HEMGN: variants seen among roughly 807,000 people sequenced by gnomAD.
The protein encoded by HEMGN is hemogen.
Under a neutral mutation model 45.7 loss-of-function variants are expected in HEMGN, and 32 were observed. The observed-to-expected ratio is 0.70, with a 90% confidence interval of 0.53 to 0.94. The LOEUF is 0.94. Ranked by LOEUF, HEMGN falls within the 40% of genes least tolerant of loss-of-function variation. The probability of loss-of-function intolerance (pLI) is 0.00; values close to 1 mark genes in which losing one functional copy is unlikely to be tolerated. For synonymous variants in HEMGN, 183 were observed against 178.6 expected (o/e 1.02, Z -0.20); for missense variants, 530 against 564.2 (o/e 0.94, Z 0.61).
rs772573235 is a variant in HEMGN at position 97,930,746 on chromosome 9, T to C, written c.649A>G (p.Lys217Glu). 1 of 1,614,200 alleles carries C rather than the reference T, an allele frequency of 6.2e-7. No homozygotes were observed. The highest frequency in any genetic ancestry group is 8.5e-7 in the Non-Finnish European group (1 of 1,180,032). Residue 217 changes from lysine to glutamate, a missense_variant, in exon 3 of 4, where the codon AAA becomes GAA. Transcript: ENST00000616898. ...VISVIQDHPFKMYQDMAKRED... is the reference protein window; with the variant it reads ...VISVIQDHPFEMYQDMAKRED... ...CGTTTAGCCATATCTTGGTACATTT[T>C]GAAAGGATGGTCTTGAATTACAGAT...
At chr9:97,935,949 A>AT (rs1289619270) in intron 2 of HEMGN, among the ~76,000 whole-genome samples, 1 of 152,194 alleles carries the variant, frequency 6.6e-6, no homozygotes, top group Non-Finnish European at 1.5e-5. Context: ...CAGGGAAAAA[A>AT]TTCTGTTCCC....
upstream of HEMGN, among the ~76,000 whole-genome samples, chr9:97,939,844 A>G (rs1394291022): frequency 2.6e-5 from 4 of 152,202 alleles, no homozygotes; most frequent in African/African-American, 9.6e-5. Context: ...TCTTAAGTAA[A>G]TCTCTGTATC....
chr9:97,931,715 G>T (rs750546739), intron 2 of HEMGN, among the ~76,000 whole-genome samples: 1 of 152,072 alleles, frequency 6.6e-6, no homozygotes, highest in Non-Finnish European at 1.5e-5. Flanking sequence ...GCTGTATATG[G>T]CTTGATTATC....
intron 1 of HEMGN, among the ~76,000 whole-genome samples, chr9:97,944,235 C>T (rs1387584354): frequency 6.6e-6 from 1 of 152,204 alleles, no homozygotes; most frequent in Admixed American, 6.5e-5. Flanking sequence ...TCCCACTGCA[C>T]CTCAAACTTA....
At chr9:97,928,747 A>G (rs1249527194) in intron 3 of HEMGN, among the ~76,000 whole-genome samples, 1 of 152,222 alleles carries the variant, frequency 6.6e-6, no homozygotes, top group Non-Finnish European at 1.5e-5. Context: ...TAATAGTAAA[A>G]CTTGGCAGTA....
upstream of HEMGN, chr9:97,938,333 C>T (rs781012934): frequency 5.3e-6 from 3 of 565,444 alleles, no homozygotes; most frequent in Non-Finnish European, 9.4e-6. Context: ...TATCACACTG[C>T]ACAGGTGTGA....
upstream of HEMGN, among the ~76,000 whole-genome samples, chr9:97,938,559 G>A (rs1296186866): frequency 1.3e-5 from 2 of 152,234 alleles, no homozygotes; most frequent in East Asian, 1.9e-4. Context: ...AGTGGCCCAG[G>A]GCAAGTCACC....
At chr9:97,934,411 AGAGAGGAGGGGATGGGG>A (rs912116817) in intron 2 of HEMGN, among the ~76,000 whole-genome samples, 5 of 105,312 alleles carry the variant, frequency 4.7e-5, no homozygotes, top group African/African-American at 1.8e-4. Flanking sequence ...AGAGGGGAGG[AGAGAGGAGGGGATGGGG>A]GAGAGGAGGG....
intron 1 of HEMGN, 64 bp from the exon 2 acceptor site, chr9:97,936,328 G>T: frequency 9.3e-7 from 1 of 1,079,280 alleles, no homozygotes; most frequent in Non-Finnish European, 1.4e-6. Context: ...CAAAAGTCCT[G>T]TAGCCAAGTG....
chr9:97,934,351 C>T (rs1020910826), intron 2 of HEMGN, among the ~76,000 whole-genome samples: 2 of 147,570 alleles, frequency 1.4e-5, no homozygotes, highest in African/African-American at 2.5e-5. Context: ...TGTCTCAAAA[C>T]GAGTGAATGA....
chr9:97,944,118 A>G (rs896609796), intron 1 of HEMGN, among the ~76,000 whole-genome samples: 1 of 152,208 alleles, frequency 6.6e-6, no homozygotes, highest in African/African-American at 2.4e-5. Flanking sequence ...TGATCCAACT[A>G]TATACTTTTA....
Position 97,930,082 on chromosome 9 carries a change from G to A in HEMGN, c.1313C>T (p.Pro438Leu). 3 of 1,614,080 alleles carry A rather than the reference G, an allele frequency of 1.9e-6. No individual in the cohort carries two copies. Among genetic ancestry groups the A allele is most frequent in the Non-Finnish European group, 2.5e-6 (3 of 1,180,006 alleles). ...TTTAGCATCTTCCTGGTGTGCTTTA[G>A]GATCCTGGCCTTGGGGCCCACCTGT... is the stretch of plus-strand genomic sequence containing the variant. ...QETGGPQGQD[P>L]KAHQEDAKDA... Residue 438 changes from proline (P) to leucine (L), a missense_variant, in exon 3 of 4, where the codon CCT becomes CTT. By Grantham distance (98) the Pro-to-Leu change is moderately conservative (BLOSUM62 -3). Transcript: ENST00000616898.
Position 97,930,492 on chromosome 9 carries a change from T to C in HEMGN, c.903A>G (p.Ile301Met), listed in dbSNP as rs753549435. Residue 301 changes from isoleucine (I) to methionine (M), a missense_variant, in exon 3 of 4, where the codon ATA becomes ATG. Ile to Met is a conservative substitution (Grantham distance 10). Transcript: ENST00000616898. ...IAETEGLFPK[I>M]QEIAEPKDLS... ...GGTCTTTAGGCTCAGCTATTTCTTG[T>C]ATTTTAGGAAAAAGGCCTTCTGTCT... The C allele has an allele frequency of 8.7e-6, 14 of 1,614,062 alleles. No homozygotes were observed. Among genetic ancestry groups the C allele is most frequent in the Non-Finnish European group, 1.2e-5 (14 of 1,179,942 alleles).
In HEMGN at chr9:97,931,169, T is replaced by C; in HGVS notation, c.226A>G (p.Arg76Gly). 1.2e-6 allele frequency: 2 copies of C among 1,612,416 alleles called. No individual in the cohort carries two copies. Among genetic ancestry groups the C allele is most frequent in the Non-Finnish European group, 1.7e-6 (2 of 1,179,692 alleles). The change falls in exon 3 of 4, where the codon AGA becomes GGA. Residue 76 changes from arginine (R) to glycine (G), a missense_variant. Transcript: ENST00000616898. ...AATTCTGTGTTTTGTTGTCTCTTTCTGCCTCTTCGATTTCCTTTTCCTGTT... is the reference window on the plus strand; with the variant it reads ...AATTCTGTGTTTTGTTGTCTCTTTCCGCCTCTTCGATTTCCTTTTCCTGTT... Reference protein sequence around the residue: ...QRTGKGNRRGRKRQQNTELKV... With the variant: ...QRTGKGNRRGGKRQQNTELKV...
At chr9:97,931,936 T>C (rs1301474611) in intron 2 of HEMGN, among the ~76,000 whole-genome samples, 2 of 152,178 alleles carry the variant, frequency 1.3e-5, no homozygotes, top group Non-Finnish European at 2.9e-5. Flanking sequence ...CAGTGACAAA[T>C]TGTTAGGCAC....
At chr9:97,944,337 A>T (rs1827193245) in intron 1 of HEMGN, among the ~76,000 whole-genome samples, 1 of 152,228 alleles carries the variant, frequency 6.6e-6, no homozygotes, top group Middle Eastern at 3.4e-3. Flanking sequence ...CTGGCCATCT[A>T]GTTCTTAGCC....
chr9:97,929,972 G>T, intron 3 of HEMGN, 63 bp downstream of exon 3: 1 of 1,208,544 alleles, frequency 8.3e-7, no homozygotes, highest in Non-Finnish European at 1.2e-6. Context: ...GATTGTCAGA[G>T]AAAGTTGTAA....
chr9:97,940,897 T>C (rs1827142357), upstream of HEMGN, among the ~76,000 whole-genome samples: 1 of 152,122 alleles, frequency 6.6e-6, no homozygotes, highest in African/African-American at 2.4e-5. Context: ...CAGGGCTTGA[T>C]GCTGCTGTGA....
chr9:97,930,425 G>T lies in HEMGN; in HGVS notation c.970C>A (p.Leu324Ile). Residue 324 changes from leucine to isoleucine, a missense_variant, in exon 3 of 4, where the codon CTT (leucine) becomes ATT (isoleucine). Transcript: ENST00000616898. ...THQESAEPKYLPHKTCNEIIV... is the reference protein window; with the variant it reads ...THQESAEPKYIPHKTCNEIIV... Reference sequence around the variant, plus strand: ...ATTTCGTTACATGTTTTATGAGGAAGGTATTTAGGTTCAGCTGATTCTTGG... The same window carrying T: ...ATTTCGTTACATGTTTTATGAGGAATGTATTTAGGTTCAGCTGATTCTTGG... 1.9e-6 allele frequency: 3 copies of T among 1,614,048 alleles called. No homozygotes were observed. The highest frequency in any genetic ancestry group is 1.7e-5 in the Admixed American group (1 of 60,012).
Sources: allele counts gnomAD v4.1 joint callset (sites outside exome capture counted in the v4.1 genomes callset), GRCh38; gene constraint gnomAD v4.1.1; transcripts MANE v1.5; gene names NCBI Gene and HGNC (gene_info 2026-07-23, HGNC 2026-07-21).